Variants in MEGF6 observed in about 807,000 individuals in gnomAD.
MEGF6 encodes the protein multiple epidermal growth factor-like domains protein 6.
In MEGF6, 184 loss-of-function variants were observed where a neutral mutation model predicts 207.1. The ratio of observed to expected loss-of-function variants is 0.89; its 90% CI spans 0.79 to 1.00. The LOEUF is 1.00. MEGF6 is among the 50% of genes least tolerant of loss of function. MEGF6 has a pLI of 0.00. For synonymous variants in MEGF6, 1,038 were observed against 910.0 expected (o/e 1.14, Z -2.53); for missense variants, 2,282 against 2,202.9 (o/e 1.04, Z -0.72).
chr1:3,602,401 C>A, intron 2 of MEGF6, 65 bp downstream of exon 2: 1 of 1,606,918 alleles, frequency 6.2e-7, no homozygotes, highest in Non-Finnish European at 8.5e-7. Context: ...GCCCAGCTCC[C>A]GGGTGGTCAG....
intron 29 of MEGF6, among the ~76,000 whole-genome samples, chr1:3,496,429 G>A (rs74050557): frequency 0.1 from 15,889 of 152,316 alleles, 2,102 homozygotes; most frequent in African/African-American, 0.31. Context: ...AGCAGGTGCA[G>A]GGGCAGAGCT....
chr1:3,500,429 G>C (rs189971055), intron 21 of MEGF6, among the ~76,000 whole-genome samples: 7 of 152,376 alleles, frequency 4.6e-5, no homozygotes, highest in African/African-American at 1.7e-4. Flanking sequence ...GAGGAAGCCA[G>C]GCCAGGGCCC....
chr1:3,593,014 C>T (rs1013142233), intron 3 of MEGF6, among the ~76,000 whole-genome samples: 5 of 152,130 alleles, frequency 3.3e-5, no homozygotes, highest in African/African-American at 9.7e-5. Context: ...CACCCCACTC[C>T]GGCCAGCAGG....
intron 4 of MEGF6, among the ~76,000 whole-genome samples, chr1:3,562,812 T>G (rs1375082188): frequency 6.6e-6 from 1 of 152,058 alleles, no homozygotes; most frequent in Admixed American, 6.5e-5. Context: ...GACCGCCCCG[T>G]CCAGCACTCA....
intron 2 of MEGF6, among the ~76,000 whole-genome samples, chr1:3,596,574 C>T (rs1323291585): frequency 5.0e-5 from 5 of 99,558 alleles, no homozygotes; most frequent in East Asian, 6.7e-4. Context: ...GGGCACCCCG[C>T]GCCATCCCCT....
intron 7 of MEGF6, 95 bp downstream of exon 7, chr1:3,514,454 GA>G (rs767089894): frequency 1.5e-5 from 21 of 1,430,132 alleles, no homozygotes; most frequent in Non-Finnish European, 2.0e-5. Flanking sequence ...GGTCTCATGG[GA>G]GGCCACGGCC....
At chr1:3,611,584 T>G, upstream of MEGF6, 2 of 92,710 alleles carry the variant, frequency 2.2e-5, no homozygotes, top group Non-Finnish European at 3.5e-5. Context: ...CGACCCGCCC[T>G]GGCTCGCCCG....
intron 4 of MEGF6, among the ~76,000 whole-genome samples, chr1:3,567,767 G>A (rs1302282237): frequency 6.6e-6 from 1 of 152,224 alleles, no homozygotes; most frequent in East Asian, 1.9e-4. Context: ...TGAAGGAGAC[G>A]GCCCTCCACC....
At chr1:3,615,661 G>A (rs530649199), upstream of MEGF6, among the ~76,000 whole-genome samples, 3 of 152,352 alleles carry the variant, frequency 2.0e-5, no homozygotes, top group South Asian at 2.1e-4. Flanking sequence ...GTAGATGCCC[G>A]CACCCGGGCC....
chr1:3,513,578 T>C (rs1270964403), intron 7 of MEGF6, among the ~76,000 whole-genome samples: 1 of 72,526 alleles, frequency 1.4e-5, no homozygotes, highest in Non-Finnish European at 2.8e-5. Context: ...ACACCTGGGC[T>C]TTTTTTTTTT....
intron 2 of MEGF6, among the ~76,000 whole-genome samples, chr1:3,601,410 T>C (rs1426858951): frequency 6.6e-6 from 1 of 152,268 alleles, no homozygotes; most frequent in Non-Finnish European, 1.5e-5. Flanking sequence ...AGCTGCTATT[T>C]TGGGGAAAAC....
intron 1 of MEGF6, among the ~76,000 whole-genome samples, chr1:3,603,577 C>T (rs1207366085): frequency 7.9e-5 from 12 of 152,170 alleles, no homozygotes; most frequent in Non-Finnish European, 1.2e-4. Flanking sequence ...TGGTGCGGGC[C>T]GGTGTCTCCC....
rs180679410 is a variant in MEGF6, at chr1:3,521,834, G to A, written c.604+2290C>T. Among the ~76,000 whole-genome samples, 276 of 152,326 alleles carry A rather than the reference G, an allele frequency of 1.8e-3. 1 individual carries two copies. The highest frequency in any genetic ancestry group is 6.3e-3 in the African/African-American group (263 of 41,586). Reference sequence around the variant, plus strand: ...GCCACCATGGGCAAGGGACAAGGGGGGACAACATGCCCCAGAGAGTGCCAG... The same window carrying A: ...GCCACCATGGGCAAGGGACAAGGGGAGACAACATGCCCCAGAGAGTGCCAG... On this transcript the variant is annotated intron_variant, in intron 5 of 36. Transcript: ENST00000356575.
rs753666431 is a variant in MEGF6 at position 3,505,207 on chromosome 1, C to T, written c.2188+1G>A. On this transcript the variant is annotated splice_donor_variant, in intron 17 of 36. Transcript: ENST00000356575. LOFTEE classifies it high-confidence loss of function. ...GGGAGCCCCAGGGGCCGGCCACTCACCTTGGCCACAGTCCTCTCCCTGGAA... is the reference window on the plus strand; with the variant it reads ...GGGAGCCCCAGGGGCCGGCCACTCATCTTGGCCACAGTCCTCTCCCTGGAA... The T allele has an allele frequency of 1.9e-6, 3 of 1,611,658 alleles. No homozygotes were observed. Among genetic ancestry groups the T allele is most frequent in the Admixed American group, 1.7e-5 (1 of 60,000 alleles).
At chr1:3,593,073 A>T (rs1375125778) in intron 3 of MEGF6, among the ~76,000 whole-genome samples, 1 of 152,200 alleles carries the variant, frequency 6.6e-6, no homozygotes. Flanking sequence ...CCAGGGTCCC[A>T]CATGCAGATG....
intron 3 of MEGF6, among the ~76,000 whole-genome samples, chr1:3,591,380 G>A (rs1021644730): frequency 3.3e-5 from 5 of 152,160 alleles, no homozygotes; most frequent in Admixed American, 1.3e-4. Context: ...CAAGGTGCCC[G>A]ATCACCATGT....
intron 4 of MEGF6, among the ~76,000 whole-genome samples, chr1:3,552,407 C>A (rs1042390606): frequency 2.0e-5 from 3 of 152,260 alleles, no homozygotes; most frequent in Non-Finnish European, 4.4e-5. Flanking sequence ...GCTGAGGCAT[C>A]CTGGTAAGAC....
At position 3,532,971 on chromosome 1, in the gene MEGF6, A is replaced by G. The variant is rs373364001; in HGVS notation, c.482-8725T>C. Among the ~76,000 whole-genome samples the G allele has an allele frequency of 3.3e-5, 5 of 152,290 alleles. 1 individual carries two copies. The highest frequency in any genetic ancestry group is 6.5e-5 in the Admixed American group (1 of 15,304). ...AGATGCTGTCCTCAGGTCAAATTCA[A>G]TTGAGCAGAACTCCAGCCCCGGCAA... On this transcript the variant is annotated intron_variant, in intron 4 of 36. Transcript: ENST00000356575.
chr1:3,570,046 C>T (rs947939165), intron 4 of MEGF6, among the ~76,000 whole-genome samples: 2 of 152,238 alleles, frequency 1.3e-5, no homozygotes, highest in African/African-American at 4.8e-5. Context: ...GAATCCCCTT[C>T]CCAGAGTCAG....
Sources: gnomAD v4.1 joint callset for allele counts (sites outside exome capture counted in the v4.1 genomes callset) on GRCh38, gnomAD v4.1.1 for gene constraint, MANE v1.5 for transcripts, NCBI Gene and HGNC (gene_info 2026-07-23, HGNC 2026-07-21) for gene names.